The following PAXBP1 variants were observed in gnomAD, a reference collection of about 807,000 sequenced individuals.
PAXBP1 encodes PAX3- and PAX7-binding protein 1.
Under a neutral mutation model 119.9 loss-of-function variants are expected in PAXBP1, and 44 were observed. The ratio of observed to expected loss-of-function variants is 0.37; its 90% CI spans 0.29 to 0.47. The LOEUF (loss-of-function observed/expected upper bound fraction) is 0.47, where lower values mean the gene tolerates loss of function less well. PAXBP1 is among the 20% of genes least tolerant of loss of function. The pLI, the probability that PAXBP1 is intolerant of heterozygous loss-of-function variation, is 0.99. For synonymous variants in PAXBP1, 393 were observed against 406.6 expected (o/e 0.97, Z 0.40); for missense variants, 898 against 1,134.1 (o/e 0.79, Z 2.99).
rs930052733 is a variant in PAXBP1, at chr21:32,742,766, T to C, written c.2334+482A>G. ...TATTTTGAGAGAGAAACTACATTCA[T>C]ATAACCTTTACCACAGTATATTATT... On this transcript the variant is annotated intron_variant, in intron 15 of 17. Coordinates refer to ENST00000331923, the MANE Select transcript of PAXBP1 (RefSeq NM_016631.4). The C allele has an allele frequency of 2.6e-5, 7 of 274,478 alleles. No homozygotes were observed. The South Asian group carries it at 2.6e-4, about 10-fold the overall frequency. 17.0% of individuals were successfully genotyped at this position (274,478 alleles called of 1,614,324 possible). A position where few individuals can be genotyped will look rare whatever the true frequency, so the allele number is the denominator to read the frequency against.
intron 1 of PAXBP1, among the ~76,000 whole-genome samples, chr21:32,771,069 T>C (rs1601616144): frequency 6.6e-6 from 1 of 152,178 alleles, no homozygotes. Context: ...GAATTTCCCC[T>C]GAAACACTCT....
In PAXBP1 at chr21:32,755,275, G is replaced by C. The variant is rs373875343; in HGVS notation, c.1462C>G (p.Gln488Glu). 1.2e-6 allele frequency: 2 copies of C among 1,613,490 alleles called. No homozygotes were observed. Among genetic ancestry groups the C allele is most frequent in the African/African-American group, 1.3e-5 (1 of 74,858 alleles). ...QRASRLVQRR[Q>E]DDIKDESSEF... ...GAAGATTCATCTTTAATATCATCTT[G>C]TCGTCTTTGGACAAGGCGGGAAGCT... The change falls in exon 8 of 18, where the codon CAA (glutamine) becomes GAA (glutamate). Residue 488 changes from glutamine to glutamate, a missense_variant. This residue lies in a region of PAXBP1 where 599 missense variants were observed against 852.7 expected (regional missense o/e 0.70). Transcript: ENST00000331923.
chr21:32,760,917 G>A, intron 5 of PAXBP1, 142 bp downstream of exon 5: 1 of 636,016 alleles, frequency 1.6e-6, no homozygotes, highest in Non-Finnish European at 2.8e-6. Context: ...GTGTGTGTGT[G>A]TGTGTGTGTG....
rs781675104 is a variant in PAXBP1 at position 32,748,579 on chromosome 21, C to T, written c.1843G>A (p.Asp615Asn). The T allele has an allele frequency of 6.2e-6, 10 of 1,613,918 alleles. No individual in the cohort carries two copies. The East Asian group carries it at 2.2e-4, about 36-fold the overall frequency. The change falls in exon 11 of 18, where the codon GAT becomes AAT. Residue 615 changes from aspartate (D) to asparagine (N), a missense_variant. By Grantham distance (23) the Asp-to-Asn change is conservative (BLOSUM62 1). This residue lies in a region of PAXBP1 where 599 missense variants were observed against 852.7 expected (regional missense o/e 0.70). Coordinates refer to ENST00000331923, the MANE Select transcript of PAXBP1 (RefSeq NM_016631.4). ...GGCAAACAAAGGCCAATGTAAGCAT[C>T]TTTGTAGGATGTGTAGTATTTTGAA... ...WRSKYYTSYK[D>N]AYIGLCLPKL...
At chr21:32,738,425 C>T in intron 15 of PAXBP1, 106 bp from the exon 16 acceptor site, 1 of 859,000 alleles carries the variant, frequency 1.2e-6, no homozygotes, top group Non-Finnish European at 1.8e-6. Flanking sequence ...CCATGTCTTG[C>T]CAAAGTACTA....
intron 15 of PAXBP1, among the ~76,000 whole-genome samples, chr21:32,741,808 A>C (rs534760476): frequency 6.6e-6 from 1 of 152,308 alleles, no homozygotes; most frequent in East Asian, 1.9e-4. Context: ...GGAGAACAGG[A>C]CTGAAAGGTG....
At chr21:32,740,347 A>T (rs1489581764) in intron 15 of PAXBP1, among the ~76,000 whole-genome samples, 1 of 152,210 alleles carries the variant, frequency 6.6e-6, no homozygotes, top group African/African-American at 2.4e-5. Flanking sequence ...CCTAAAATGT[A>T]TAAAACCAAG....
chr21:32,741,725 GC>G, intron 15 of PAXBP1: 2 of 531,608 alleles, frequency 3.8e-6, no homozygotes, highest in Non-Finnish European at 6.8e-6. Context: ...GGTTGGCTTT[GC>G]GGAAAAGGGG....
intron 2 of PAXBP1, among the ~76,000 whole-genome samples, chr21:32,768,567 T>C (rs2044280972): frequency 6.6e-6 from 1 of 152,212 alleles, no homozygotes; most frequent in African/African-American, 2.4e-5. Flanking sequence ...GTAGAAGCCT[T>C]TACTCTTGCT....
intron 2 of PAXBP1, among the ~76,000 whole-genome samples, chr21:32,769,060 T>C (rs113105396): frequency 9.2e-5 from 14 of 152,350 alleles, no homozygotes; most frequent in African/African-American, 3.4e-4. Flanking sequence ...ATTTATGAGA[T>C]ATTGTCTTCA....
At chr21:32,743,514 T>C (rs1464936869) in intron 14 of PAXBP1, among the ~76,000 whole-genome samples, 164 bp downstream of exon 14, 7 of 152,218 alleles carry the variant, frequency 4.6e-5, no homozygotes, top group Admixed American at 1.3e-4. Context: ...CGTAAGAGTA[T>C]TGTTTTATTC....
At chr21:32,769,612 T>C (rs1239484341) in intron 2 of PAXBP1, among the ~76,000 whole-genome samples, 2 of 152,232 alleles carry the variant, frequency 1.3e-5, no homozygotes, top group Admixed American at 6.5e-5. Flanking sequence ...AATGTTCCAG[T>C]GGCAACAATT....
chr21:32,751,094 C>A (rs948661477), intron 9 of PAXBP1, 25 bp downstream of exon 9: 1 of 1,612,898 alleles, frequency 6.2e-7, no homozygotes, highest in African/African-American at 1.3e-5. Flanking sequence ...CCCAAACAAG[C>A]CAGAGCAAGG....
rs1286288953 is a variant in PAXBP1, at chr21:32,759,260, G to T, written c.1203C>A (p.Ser401=). Residue 401 remains serine, a synonymous_variant, in exon 7 of 18, where the codon TCC becomes TCA. Coordinates refer to ENST00000331923, the MANE Select transcript of PAXBP1 (RefSeq NM_016631.4). ...GATTTGTTTTGTGCAATTCTTTCAT[G>T]GAGTCCAACCTTAGGAACACAAAAG... ...VKKQLKDRLD[S]MKELHKTNRQ... The T allele has an allele frequency of 6.2e-7, 1 of 1,613,450 alleles. No individual in the cohort carries two copies. The highest frequency in any genetic ancestry group is 8.5e-7 in the Non-Finnish European group (1 of 1,179,756).
In PAXBP1 at chr21:32,734,689, G is replaced by A; in HGVS notation, c.*261C>T. 2 of 463,754 alleles carry A rather than the reference G, an allele frequency of 4.3e-6. No individual in the cohort carries two copies. The highest frequency in any genetic ancestry group is 7.7e-6 in the Non-Finnish European group (2 of 258,668). The allele number at this position is 463,754 out of a possible 1,614,324, so 28.7% of individuals were successfully genotyped here. A position where few individuals can be genotyped will look rare whatever the true frequency, so the allele number is the denominator to read the frequency against. On this transcript the variant is annotated 3_prime_UTR_variant, in exon 18 of 18. Coordinates refer to ENST00000331923, the MANE Select transcript of PAXBP1 (RefSeq NM_016631.4). ...TCGTTTACAGGGGACAATTAACTGA[G>A]AGGGTTAATTTAAATGACCATACAA...
chr21:32,762,066 T>TA, intron 4 of PAXBP1, 30 bp downstream of exon 4: 3 of 1,612,424 alleles, frequency 1.9e-6, no homozygotes, highest in Non-Finnish European at 2.5e-6. Flanking sequence ...GGCAATGCAA[T>TA]AGGCTTACTA....
chr21:32,742,894 A>G (rs991177188), intron 15 of PAXBP1: 5 of 438,814 alleles, frequency 1.1e-5, no homozygotes, highest in Admixed American at 8.6e-5. Context: ...CAGTATATAT[A>G]GGGTTCGGTA....
At chr21:32,766,963 T>C (rs564673851) in intron 2 of PAXBP1, among the ~76,000 whole-genome samples, 121 of 152,320 alleles carry the variant, frequency 7.9e-4, no homozygotes, top group Non-Finnish European at 4.0e-4. Context: ...GCCTTCCTGA[T>C]TCTTTTATCT....
At chr21:32,770,834 G>T (rs2044326937) in intron 1 of PAXBP1, among the ~76,000 whole-genome samples, 1 of 152,198 alleles carries the variant, frequency 6.6e-6, no homozygotes, top group South Asian at 2.1e-4. Context: ...CTGGCCCAAG[G>T]TCACTCAGAA....
Sources: gnomAD v4.1 joint callset for allele counts (sites outside exome capture counted in the v4.1 genomes callset) on GRCh38, gnomAD v4.1.1 for gene constraint, gnomAD v4.1.1 regional missense constraint, MANE v1.5 for transcripts, NCBI Gene and HGNC (gene_info 2026-07-23, HGNC 2026-07-21) for gene names.